FAM13B: variants seen among roughly 807,000 people sequenced by gnomAD.
The protein encoded by FAM13B is protein FAM13B.
FAM13B carries 60 observed loss-of-function variants against 117.3 expected under a neutral mutation model. That is an observed-to-expected ratio of 0.51 (90% CI 0.42 to 0.63). The LOEUF is 0.63. Among genes scored for constraint, FAM13B ranks in the 30% least tolerant of loss-of-function variants. FAM13B has a pLI of 0.00. For missense variants in FAM13B, 972 were observed against 1,091.9 expected, an observed-to-expected ratio of 0.89 and a Z score of 1.55; for synonymous variants, 332 against 356.1, an observed-to-expected ratio of 0.93 and a Z score of 0.76.
chr5:138,033,659 T>G (rs1022566682), upstream of FAM13B: 2 of 152,220 alleles, frequency 1.3e-5, no homozygotes, highest in African/African-American at 4.8e-5. Flanking sequence ...TACAGGGAGC[T>G]TCGTATACTA....
At chr5:138,021,247 A>G in intron 1 of FAM13B, 50 bp from the exon 2 acceptor site, 1 of 1,195,504 alleles carries the variant, frequency 8.4e-7, no homozygotes, top group Admixed American at 4.2e-5. Context: ...TAACTGTCAG[A>G]AGAGACTATT....
intron 11 of FAM13B, among the ~76,000 whole-genome samples, chr5:137,961,710 T>C (rs2150303018): frequency 6.6e-6 from 1 of 152,344 alleles, no homozygotes; most frequent in East Asian, 1.9e-4. Context: ...CAATCTAGCC[T>C]GCAACTTCAT....
At chr5:137,952,903 T>C (rs529860508) in intron 16 of FAM13B, among the ~76,000 whole-genome samples, 194 bp from the exon 17 acceptor site, 2 of 152,332 alleles carry the variant, frequency 1.3e-5, no homozygotes, top group African/African-American at 2.4e-5. Flanking sequence ...GAAGCCAGAT[T>C]TGAATATGGG....
intron 17 of FAM13B, among the ~76,000 whole-genome samples, chr5:137,951,667 A>T (rs1365872915): frequency 6.6e-6 from 1 of 151,872 alleles, no homozygotes; most frequent in Non-Finnish European, 1.5e-5. Flanking sequence ...TCAAAAAAAT[A>T]AAAAATATAT....
chr5:137,971,010 T>C (rs1314734979), intron 10 of FAM13B, among the ~76,000 whole-genome samples: 1 of 151,930 alleles, frequency 6.6e-6, no homozygotes, highest in Non-Finnish European at 1.5e-5. Flanking sequence ...ACATTAATAA[T>C]GGGAGACTTT....
At chr5:137,964,068 T>TA (rs995681984) in intron 10 of FAM13B, among the ~76,000 whole-genome samples, 6 of 152,154 alleles carry the variant, frequency 3.9e-5, no homozygotes, top group Admixed American at 1.3e-4. Context: ...TTTATTTACT[T>TA]AAAAAAATTT....
chr5:137,978,651 A>G (rs1277800997), intron 10 of FAM13B, among the ~76,000 whole-genome samples: 1 of 152,172 alleles, frequency 6.6e-6, no homozygotes, highest in Non-Finnish European at 1.5e-5. Flanking sequence ...AGACTCAGGA[A>G]AAAATCCCAT....
At chr5:137,946,489 G>A in intron 18 of FAM13B, 178 bp from the exon 19 acceptor site, 1 of 522,764 alleles carries the variant, frequency 1.9e-6, no homozygotes, top group Non-Finnish European at 3.3e-6. Flanking sequence ...AAAATTTTCA[G>A]TCTCCTGTAC....
At chr5:137,942,200 G>C (rs1762058551) in intron 22 of FAM13B, among the ~76,000 whole-genome samples, 155 bp from the exon 23 acceptor site, 1 of 152,210 alleles carries the variant, frequency 6.6e-6, no homozygotes, top group Non-Finnish European at 1.5e-5. Context: ...CAGAATAGCT[G>C]AAGGACTCAA....
intron 7 of FAM13B, among the ~76,000 whole-genome samples, chr5:138,000,747 A>G (rs1424580554): frequency 6.6e-6 from 1 of 152,064 alleles, no homozygotes; most frequent in Non-Finnish European, 1.5e-5. Context: ...CCTGGCCAAC[A>G]TGGTGAAACC....
At chr5:138,013,283 T>C (rs2061661) in intron 4 of FAM13B, among the ~76,000 whole-genome samples, 149,191 of 152,150 alleles carry the variant, frequency 0.98, 73,215 homozygotes, top group Middle Eastern at 1. Flanking sequence ...AGGTGGATCA[T>C]AAGGTCAGGA....
intron 1 of FAM13B, among the ~76,000 whole-genome samples, chr5:138,048,940 C>CTTTTTTT (rs35414064): frequency 8.2e-6 from 1 of 122,452 alleles, no homozygotes; most frequent in African/African-American, 3.1e-5. Flanking sequence ...TGATACATTT[C>CTTTTTTT]TTTTTTTTTT....
chr5:137,966,675 T>C (rs1304563857), intron 10 of FAM13B, among the ~76,000 whole-genome samples: 8 of 151,908 alleles, frequency 5.3e-5, no homozygotes, highest in Admixed American at 3.9e-4. Flanking sequence ...AAACTCAAAA[T>C]TTAAACAAGA....
chr5:137,967,627 T>C (rs1441913711), intron 10 of FAM13B, among the ~76,000 whole-genome samples: 1 of 152,040 alleles, frequency 6.6e-6, no homozygotes, highest in Non-Finnish European at 1.5e-5. Context: ...TCATGGTGGC[T>C]CACATCTGTA....
At chr5:138,034,995 C>CTTTTTTTTTTTTTTTTTTGTTTT (rs1790979362), upstream of FAM13B, among the ~76,000 whole-genome samples, 1 of 34,364 alleles carries the variant, frequency 2.9e-5, no homozygotes, top group Non-Finnish European at 4.9e-5. Flanking sequence ...ATTCCCTTGC[C>CTTTTTTTTTTTTTTTTTTGTTTT]TTTTTTTTTT....
At chr5:138,015,747 G>C (rs181287887) in intron 4 of FAM13B, among the ~76,000 whole-genome samples, 303 of 152,246 alleles carry the variant, frequency 2.0e-3, no homozygotes, top group Middle Eastern at 6.8e-3. Context: ...TAAATGAAGA[G>C]AGGAAACTTT....
chr5:138,033,052 C>T lies in FAM13B; in HGVS notation c.-473G>A, dbSNP rs948281940. 25 of 986,672 alleles carry T rather than the reference C, an allele frequency of 2.5e-5. No individual in the cohort carries two copies. In the African/African-American group the frequency reaches 3.8e-4, roughly 15 times the overall value. The allele number at this position is 986,672 out of a possible 1,614,324, so 61.1% of individuals were successfully genotyped here. On this transcript the variant is annotated 5_prime_UTR_variant, in exon 1 of 24. Coordinates refer to ENST00000689681, the MANE Select transcript of FAM13B (RefSeq NM_001385994.1). The stretch of plus-strand genomic sequence containing the variant: ...GGCGGCGGCTGAGGTGCAGAGCCTC[C>T]CTAACGGCGAGCGGGAGGAGAGCGG...
At chr5:138,038,196 C>T (rs957508596) in intron 1 of FAM13B, among the ~76,000 whole-genome samples, 1 of 152,008 alleles carries the variant, frequency 6.6e-6, no homozygotes, top group African/African-American at 2.4e-5. Flanking sequence ...AACCAAGAAC[C>T]ACTAAGAATT....
At chr5:137,992,202 G>A (rs992956113) in intron 7 of FAM13B, among the ~76,000 whole-genome samples, 18 of 151,674 alleles carry the variant, frequency 1.2e-4, no homozygotes, top group Non-Finnish European at 1.9e-4. Flanking sequence ...GTGAGCCATC[G>A]TGCTCAGCCA....
Sources: gnomAD v4.1 joint callset for allele counts (sites outside exome capture counted in the v4.1 genomes callset) on GRCh38, gnomAD v4.1.1 for gene constraint, MANE v1.5 for transcripts, NCBI Gene and HGNC (gene_info 2026-07-23, HGNC 2026-07-21) for gene names.